Variants in SORCS1 observed in about 807,000 individuals in gnomAD.
SORCS1 encodes the protein sortilin related VPS10 domain containing receptor 1.
SORCS1 carries 60 observed loss-of-function variants against 146.1 expected under a neutral mutation model. That is an observed-to-expected ratio of 0.41 (90% confidence interval 0.33 to 0.51). The LOEUF (loss-of-function observed/expected upper bound fraction) is 0.51. SORCS1 is among the 20% of genes least tolerant of loss of function. The pLI is 0.21. For missense variants in SORCS1, 1,352 were observed against 1,487.6 expected (o/e 0.91, Z 1.50); for synonymous variants, 637 against 584.0 (o/e 1.09, Z -1.31).
chr10:107,057,195 C>T (rs939040092), intron 1 of SORCS1, among the ~76,000 whole-genome samples: 1 of 152,120 alleles, frequency 6.6e-6, no homozygotes, highest in Non-Finnish European at 1.5e-5. Context: ...CAGTGGATAA[C>T]CACTTTATGA....
rs35691571 is a variant in SORCS1, at chr10:106,751,058, C to CAAAAAAAAAAAAAAAAAAAAAAA, written c.959+10507_959+10529dup. Reference sequence around the variant, plus strand: ...TGGGCGACAGGGTGAGACTCCGTCTCAAAAAAAAAAAAAAAAAAAAAAAAA... The same window carrying CAAAAAAAAAAAAAAAAAAAAAAA: ...TGGGCGACAGGGTGAGACTCCGTCTCAAAAAAAAAAAAAAAAAAAAAAAAAAAAAAAAAAAAAAAAAAAAAAAA... On this transcript the variant is annotated intron_variant, in intron 5 of 25. Coordinates refer to ENST00000263054, the MANE Select transcript of SORCS1 (RefSeq NM_052918.5). Among the ~76,000 whole-genome samples the CAAAAAAAAAAAAAAAAAAAAAAA allele has an allele frequency of 2.2e-4, 5 of 22,444 alleles. 1 individual carries two copies. The highest frequency in any genetic ancestry group is 5.1e-4 in the African/African-American group (4 of 7,878). 14.7% of individuals were successfully genotyped at this position (22,444 alleles called of 152,430 possible).
intron 17 of SORCS1, among the ~76,000 whole-genome samples, chr10:106,660,153 T>C (rs934540838): frequency 6.6e-6 from 1 of 151,958 alleles, no homozygotes; most frequent in Non-Finnish European, 1.5e-5. Flanking sequence ...CAAAACAGAA[T>C]CACCTGGAAA....
intron 24 of SORCS1, 148 bp downstream of exon 24, chr10:106,597,203 A>ATGGGTT: frequency 7.7e-6 from 5 of 649,902 alleles, no homozygotes; most frequent in Non-Finnish European, 1.1e-5. Flanking sequence ...AGGCAGAAAC[A>ATGGGTT]CCAAGCAAGG....
At chr10:106,954,515 G>GTT (rs1333080419) in intron 2 of SORCS1, among the ~76,000 whole-genome samples, 1 of 152,198 alleles carries the variant, frequency 6.6e-6, no homozygotes, top group Non-Finnish European at 1.5e-5. Flanking sequence ...TGGAAGCTTA[G>GTT]TTTTCAGGCT....
chr10:106,761,861 G>T (rs1328479768), intron 4 of SORCS1, among the ~76,000 whole-genome samples, 200 bp from the exon 5 acceptor site: 1 of 152,202 alleles, frequency 6.6e-6, no homozygotes, highest in African/African-American at 2.4e-5. Context: ...TCATTTTACA[G>T]TTGAGGAAAC....
At chr10:106,735,212 TATTG>T (rs1475928736) in intron 5 of SORCS1, among the ~76,000 whole-genome samples, 2 of 151,606 alleles carry the variant, frequency 1.3e-5, no homozygotes, top group Non-Finnish European at 2.9e-5. Flanking sequence ...CTATCAAAAT[TATTG>T]ATTGTCATAA....
At chr10:106,923,831 G>C (rs1214129149) in intron 2 of SORCS1, among the ~76,000 whole-genome samples, 1 of 152,200 alleles carries the variant, frequency 6.6e-6, no homozygotes, top group Non-Finnish European at 1.5e-5. Flanking sequence ...ATTTTTTAAA[G>C]AAAGCTTTTT....
chr10:107,015,400 T>C (rs1379831429), intron 1 of SORCS1, among the ~76,000 whole-genome samples: 1 of 152,110 alleles, frequency 6.6e-6, no homozygotes, highest in Non-Finnish European at 1.5e-5. Context: ...TTAGGTTTCA[T>C]TCAGAAGGTG....
intron 2 of SORCS1, among the ~76,000 whole-genome samples, chr10:106,942,445 GCA>G (rs1275355058): frequency 1.3e-5 from 2 of 152,086 alleles, no homozygotes; most frequent in African/African-American, 4.8e-5. Flanking sequence ...AACAAAAAAA[GCA>G]CAGTCATGCT....
chr10:106,858,103 A>C (rs1415059262), intron 2 of SORCS1, among the ~76,000 whole-genome samples: 1 of 152,206 alleles, frequency 6.6e-6, no homozygotes, highest in East Asian at 1.9e-4. Context: ...GTTAAGGGGA[A>C]GTCATGTAAA....
At chr10:106,738,003 T>C (rs556944223) in intron 5 of SORCS1, among the ~76,000 whole-genome samples, 1 of 152,146 alleles carries the variant, frequency 6.6e-6, no homozygotes, top group Admixed American at 6.5e-5. Flanking sequence ...AACAAAAAAT[T>C]AATGAGATAA....
chr10:106,585,701 T>A (rs1156413984), intron 24 of SORCS1, among the ~76,000 whole-genome samples: 1 of 152,242 alleles, frequency 6.6e-6, no homozygotes, highest in African/African-American at 2.4e-5. Context: ...ATTATTATAA[T>A]CTGCATCTGG....
At chr10:107,015,976 TG>T (rs1957880191) in intron 1 of SORCS1, among the ~76,000 whole-genome samples, 1 of 127,062 alleles carries the variant, frequency 7.9e-6, no homozygotes, top group African/African-American at 2.5e-5. Context: ...ACAAACCTAT[TG>T]AAATAAAACA....
intron 3 of SORCS1, among the ~76,000 whole-genome samples, chr10:106,828,381 CCTA>C (rs1306794522): frequency 6.6e-6 from 1 of 152,104 alleles, no homozygotes; most frequent in African/African-American, 2.4e-5. Context: ...TTACCTGAGC[CCTA>C]ATCCAGAGCA....
At chr10:106,808,320 G>C (rs1453707749) in intron 3 of SORCS1, among the ~76,000 whole-genome samples, 1 of 152,024 alleles carries the variant, frequency 6.6e-6, no homozygotes, top group Non-Finnish European at 1.5e-5. Flanking sequence ...ACCTGGCCCG[G>C]TGCTGTTTTT....
intron 2 of SORCS1, among the ~76,000 whole-genome samples, chr10:106,851,915 G>T (rs565191998): frequency 6.6e-6 from 1 of 152,080 alleles, no homozygotes; most frequent in Non-Finnish European, 1.5e-5. Context: ...TCTTGTGTGC[G>T]TATGTTGTTA....
intron 18 of SORCS1, among the ~76,000 whole-genome samples, chr10:106,637,256 C>T (rs973257858): frequency 2.6e-5 from 4 of 152,198 alleles, no homozygotes; most frequent in Non-Finnish European, 5.9e-5. Flanking sequence ...GTTCTTTGTC[C>T]TCTCTGGCTT....
chr10:106,760,248 T>A (rs1418177872), intron 5 of SORCS1, among the ~76,000 whole-genome samples: 1 of 151,564 alleles, frequency 6.6e-6, no homozygotes, highest in Non-Finnish European at 1.5e-5. Context: ...ATCGAGACCA[T>A]CCTGGCTAAC....
chr10:106,630,735 G>C (rs970000501), intron 18 of SORCS1, among the ~76,000 whole-genome samples: 4 of 152,050 alleles, frequency 2.6e-5, no homozygotes, highest in Non-Finnish European at 5.9e-5. Flanking sequence ...AATCAATGTA[G>C]CTATAAAAGA....
Sources: allele counts gnomAD v4.1 joint callset (sites outside exome capture counted in the v4.1 genomes callset), GRCh38; gene constraint gnomAD v4.1.1; transcripts MANE v1.5; gene names NCBI Gene and HGNC (gene_info 2026-07-23, HGNC 2026-07-21).